ST6GALNAC6: variants seen among roughly 807,000 people sequenced by gnomAD.
ST6GALNAC6 encodes the protein alpha-N-acetylgalactosaminide alpha-2,6-sialyltransferase 6.
Under a neutral mutation model 34.3 loss-of-function variants are expected in ST6GALNAC6, and 19 were observed. The ratio of observed to expected loss-of-function variants is 0.55; its 90% confidence interval spans 0.39 to 0.81. ST6GALNAC6 has a LOEUF of 0.81. ST6GALNAC6 is among the 40% of genes least tolerant of loss of function. ST6GALNAC6 has a pLI of 0.00. For synonymous variants in ST6GALNAC6, 185 were observed against 182.1 expected (o/e 1.02, Z -0.13); for missense variants, 377 against 467.7 (o/e 0.81, Z 1.79).
At chr9:127,899,461 G>A in intron 1 of ST6GALNAC6, 42 bp downstream of exon 1, 1 of 503,082 alleles carries the variant, frequency 2.0e-6, no homozygotes, top group African/African-American at 2.2e-5. Flanking sequence ...CCCCGCCTCC[G>A]CCCCCGCCCC....
intron 3 of ST6GALNAC6, among the ~76,000 whole-genome samples, 156 bp downstream of exon 3, chr9:127,896,086 A>C (rs1209100247): frequency 1.3e-5 from 2 of 152,230 alleles, no homozygotes; most frequent in Non-Finnish European, 2.9e-5. Flanking sequence ...ATCAGTGGCC[A>C]AACCAGGGCT....
intron 1 of ST6GALNAC6, among the ~76,000 whole-genome samples, chr9:127,898,731 GT>G (rs1588659566): frequency 6.6e-6 from 1 of 152,388 alleles, no homozygotes; most frequent in East Asian, 1.9e-4. Flanking sequence ...CCAGAGCCTT[GT>G]TTACAGGGAG....
chr9:127,899,635 C>G (rs1458140649), upstream of ST6GALNAC6: 1 of 983,230 alleles, frequency 1.0e-6, no homozygotes, highest in African/African-American at 1.8e-5. Flanking sequence ...GTCCTAGCGC[C>G]GCCGTCACGG....
rs199943492 is a variant in ST6GALNAC6, at chr9:127,886,696, C to T, written c.905G>A (p.Arg302His). Reference sequence around the variant, plus strand: ...GATGAAGCGGTGGTGGTTGCCCTTGCGACTGTGCTCATTCTGGATGTAGGT... The same window carrying T: ...GATGAAGCGGTGGTGGTTGCCCTTGTGACTGTGCTCATTCTGGATGTAGGT... ...CVTYIQNEHS[R>H]KGNHHRFITE... The change falls in exon 7 of 7, where the codon CGC becomes CAC. Residue 302 changes from arginine to histidine, a missense_variant. Transcript: ENST00000373146. 63 of 1,614,074 alleles carry T rather than the reference C, an allele frequency of 3.9e-5. No individual in the cohort carries two copies. The Admixed American group carries it at 7.2e-4, about 18-fold the overall frequency.
intron 5 of ST6GALNAC6, among the ~76,000 whole-genome samples, chr9:127,888,493 G>A (rs1395943044): frequency 8.4e-6 from 1 of 118,396 alleles, no homozygotes; most frequent in Non-Finnish European, 1.7e-5. Context: ...AACAGAGTGA[G>A]ACTCCTTCTC....
At chr9:127,902,979 T>C (rs532803553), upstream of ST6GALNAC6, 1 of 143,922 alleles carries the variant, frequency 6.9e-6, no homozygotes, top group African/African-American at 2.5e-5. Context: ...TATAGCATAA[T>C]TTTTTGCTTG....
intron 4 of ST6GALNAC6, among the ~76,000 whole-genome samples, chr9:127,891,777 G>A (rs1212641185): frequency 7.4e-6 from 1 of 135,100 alleles, no homozygotes; most frequent in Non-Finnish European, 1.6e-5. Flanking sequence ...GACAGAGAGG[G>A]GGGAGAGGGA....
chr9:127,905,051 C>T (rs1830881943), intron 1 of ST6GALNAC6: 1 of 261,776 alleles, frequency 3.8e-6, no homozygotes, highest in Non-Finnish European at 5.9e-6. Context: ...GCTTCCCCGG[C>T]TTCCCCTCTG....
In ST6GALNAC6 at chr9:127,898,453, G is replaced by C. The variant is rs145785729; in HGVS notation, c.-29-443C>G. Reference sequence around the variant, plus strand: ...AAAAGAAAGAAAGAAAGAAAAGAAAGTGCTCCCACAATGCCAACAGCTGTT... The same window carrying C: ...AAAAGAAAGAAAGAAAGAAAAGAAACTGCTCCCACAATGCCAACAGCTGTT... On this transcript the variant is annotated intron_variant, in intron 1 of 6. Transcript: ENST00000373146. Among the ~76,000 whole-genome samples, 572 of 152,000 alleles carry C rather than the reference G, an allele frequency of 3.8e-3. 6 individuals carry two copies. Among genetic ancestry groups the C allele is most frequent in the African/African-American group, 0.013 (546 of 41,454 alleles).
At chr9:127,894,772 G>T in intron 3 of ST6GALNAC6, 81 bp from the exon 4 acceptor site, 1 of 1,514,172 alleles carries the variant, frequency 6.6e-7, no homozygotes, top group Admixed American at 1.9e-5. Flanking sequence ...ACCATGCCTG[G>T]TTAACTCCTG....
At chr9:127,905,793 G>T, upstream of ST6GALNAC6, 1 of 276,012 alleles carries the variant, frequency 3.6e-6, no homozygotes, top group Non-Finnish European at 5.5e-6. Flanking sequence ...GACAAAACAG[G>T]CCCAGAGAGG....
At chr9:127,896,842 C>A in intron 2 of ST6GALNAC6, 1 of 985,070 alleles carries the variant, frequency 1.0e-6, no homozygotes, top group African/African-American at 1.7e-5. Flanking sequence ...CCTCCCATCC[C>A]CCCAGGCTAA....
upstream of ST6GALNAC6, chr9:127,906,138 G>T: frequency 3.7e-6 from 2 of 547,100 alleles, no homozygotes; most frequent in Non-Finnish European, 4.7e-6. Context: ...CTCTGTGAAA[G>T]CCAAGGGCGG....
chr9:127,889,061 A>G (rs1338425100), intron 5 of ST6GALNAC6, among the ~76,000 whole-genome samples: 1 of 152,220 alleles, frequency 6.6e-6, no homozygotes, highest in Non-Finnish European at 1.5e-5. Context: ...AAAATCTCCT[A>G]GAACAGGCTG....
upstream of ST6GALNAC6, among the ~76,000 whole-genome samples, chr9:127,901,854 C>T (rs750205357): frequency 6.6e-6 from 1 of 150,932 alleles, no homozygotes; most frequent in South Asian, 2.1e-4. Flanking sequence ...AATCGCTGGA[C>T]CCTAGGATGT....
intron 3 of ST6GALNAC6, among the ~76,000 whole-genome samples, chr9:127,895,738 A>C (rs1311265339): frequency 6.6e-6 from 1 of 152,158 alleles, no homozygotes; most frequent in Non-Finnish European, 1.5e-5. Flanking sequence ...CCCACTTCCA[A>C]ACCTCAGGCT....
chr9:127,903,824 G>A (rs1830840564), upstream of ST6GALNAC6: 1 of 27,198 alleles, frequency 3.7e-5, no homozygotes, highest in Non-Finnish European at 1.7e-4. Flanking sequence ...GGGCGCTGGG[G>A]GCTGCACCAG....
At chr9:127,889,239 T>C (rs1042499503) in intron 5 of ST6GALNAC6, among the ~76,000 whole-genome samples, 2 of 151,584 alleles carry the variant, frequency 1.3e-5, no homozygotes, top group African/African-American at 4.8e-5. Flanking sequence ...TCCCAGCTAC[T>C]TGGGAGGCTG....
intron 5 of ST6GALNAC6, 106 bp from the exon 6 acceptor site, chr9:127,887,697 A>G: frequency 1.1e-6 from 1 of 875,234 alleles, no homozygotes; most frequent in Non-Finnish European, 1.8e-6. Context: ...CCATCCACTC[A>G]TCAGGGCCCC....
Sources: allele counts gnomAD v4.1 joint callset (sites outside exome capture counted in the v4.1 genomes callset), GRCh38; gene constraint gnomAD v4.1.1; transcripts MANE v1.5; gene names NCBI Gene and HGNC (gene_info 2026-07-23, HGNC 2026-07-21).